RASA3: variants seen among roughly 807,000 people sequenced by gnomAD.
The protein encoded by RASA3 is RAS p21 protein activator 3.
A neutral mutation model predicts 110.0 loss-of-function variants in RASA3; 73 were observed. That is an observed-to-expected ratio of 0.66 (90% CI 0.55 to 0.81). The LOEUF (loss-of-function observed/expected upper bound fraction) is 0.81, where lower values mean the gene tolerates loss of function less well. Among genes scored for constraint, RASA3 ranks in the 30% least tolerant of loss-of-function variants. The probability of loss-of-function intolerance (pLI) is 0.00; values close to 1 mark genes in which losing one functional copy is unlikely to be tolerated. For missense variants in RASA3, 976 were observed against 1,113.2 expected (o/e 0.88, Z 1.75); for synonymous variants, 500 against 451.4 (o/e 1.11, Z -1.37).
At chr13:114,040,090 T>C (rs1170174828) in intron 4 of RASA3, among the ~76,000 whole-genome samples, 2 of 152,260 alleles carry the variant, frequency 1.3e-5, no homozygotes, top group Non-Finnish European at 2.9e-5. Flanking sequence ...TGCCTGTCCT[T>C]TCCCACCGTG....
At chr13:114,109,523 C>A (rs2080186738) in intron 1 of RASA3, among the ~76,000 whole-genome samples, 1 of 152,328 alleles carries the variant, frequency 6.6e-6, no homozygotes, top group Admixed American at 6.5e-5. Flanking sequence ...CTACGGTGGG[C>A]TGCGGACGTT....
intron 1 of RASA3, 110 bp from the exon 2 acceptor site, chr13:114,073,947 A>G (rs1193820259): frequency 1.1e-5 from 11 of 982,128 alleles, no homozygotes; most frequent in Admixed American, 5.5e-5. Flanking sequence ...AGCTCTCTAT[A>G]AAGCCTTGGT....
chr13:114,013,356 TG>T, intron 14 of RASA3, 108 bp from the exon 15 acceptor site: 1 of 672,080 alleles, frequency 1.5e-6, no homozygotes, highest in Admixed American at 2.6e-5. Flanking sequence ...GCCACAGTCC[TG>T]GCTCTATCTC....
chr13:114,020,334 C>G (rs987724157), intron 9 of RASA3, among the ~76,000 whole-genome samples: 4 of 152,232 alleles, frequency 2.6e-5, no homozygotes, highest in Non-Finnish European at 4.4e-5. Context: ...GTAGGTAGAG[C>G]CTGTGTGCGA....
chr13:114,000,944 G>C lies in RASA3; in HGVS notation c.1743-12C>G. The C allele has an allele frequency of 1.9e-6, 3 of 1,577,736 alleles. No homozygotes were observed. Among genetic ancestry groups the C allele is most frequent in the Non-Finnish European group, 2.6e-6 (3 of 1,147,164 alleles). ...TCTTGATCATGAACCTGTGTGAAGA[G>C]CACACAGGGCCGGGGTCCGGGCCTC... On this transcript the variant is annotated splice_polypyrimidine_tract_variant and intron_variant, in intron 18 of 23. Transcript: ENST00000334062.
chr13:114,011,158 A>G lies in RASA3; in HGVS notation c.1590+13T>C, dbSNP rs2053630164. 6.3e-7 allele frequency: 1 copy of G among 1,596,284 alleles called. No homozygotes were observed. The highest frequency in any genetic ancestry group is 2.2e-5 in the East Asian group (1 of 44,776). ...TTGTCCCTAAAAAGAGAAAATGAAG[A>G]AGAGGGACTCACAGATTTGGACTTG... On this transcript the variant is annotated intron_variant, in intron 16 of 23. Coordinates refer to ENST00000334062, the MANE Select transcript of RASA3 (RefSeq NM_007368.4). This position sits in a 1 kb window ranked among gnomAD's most constrained non-coding sequence, Gnocchi z 4.8.
intron 3 of RASA3, among the ~76,000 whole-genome samples, chr13:114,042,918 C>T (rs1339509417): frequency 6.6e-6 from 1 of 152,236 alleles, no homozygotes; most frequent in Non-Finnish European, 1.5e-5. Flanking sequence ...CAGGCCGGGG[C>T]TGCAGGGAGA....
intron 1 of RASA3, among the ~76,000 whole-genome samples, chr13:114,080,383 G>A (rs947067519): frequency 6.6e-6 from 1 of 152,152 alleles, no homozygotes; most frequent in Non-Finnish European, 1.5e-5. Flanking sequence ...GACACCACCT[G>A]CCCAGGGAGG....
At position 114,013,850 on chromosome 13, in the gene RASA3, CTCTG is replaced by C. The variant is rs1192636111; in HGVS notation, c.1406-606_1406-603del. Among the ~76,000 whole-genome samples, 100 of 72,418 alleles carry C rather than the reference CTCTG, an allele frequency of 1.4e-3. 1 individual carries two copies. The highest frequency in any genetic ancestry group is 4.0e-3 in the African/African-American group (93 of 23,430). The allele number at this position is 72,418 out of a possible 152,430, so 47.5% of individuals were successfully genotyped here. On this transcript the variant is annotated intron_variant, in intron 14 of 23. Transcript: ENST00000334062. ...TCTCCGTCTGTCTCTCTCTCCATCT[CTCTG>C]TCTCTCTCCCTGTCTCTCTCCCTAT...
rs1044470291 is a variant in RASA3, at chr13:114,065,899, G to A, written c.173+7821C>T. Among the ~76,000 whole-genome samples, 4 of 152,208 alleles carry A rather than the reference G, an allele frequency of 2.6e-5. No individual in the cohort carries two copies. Among genetic ancestry groups the A allele is most frequent in the Admixed American group, 6.5e-5 (1 of 15,280 alleles). On this transcript the variant is annotated intron_variant, in intron 2 of 23. Transcript: ENST00000334062. The surrounding 1 kb of genome is among the most constrained non-coding windows in gnomAD (Gnocchi z 4.1). Reference sequence around the variant, plus strand: ...CAAATAGAGCTGTGAGTCTTCAAACGGAACCCAAAGACTCAGTGAGGAAAG... The same window carrying A: ...CAAATAGAGCTGTGAGTCTTCAAACAGAACCCAAAGACTCAGTGAGGAAAG...
rs187269372 is a variant in RASA3, at chr13:114,015,995, C to T, written c.1281+202G>A. The stretch of plus-strand genomic sequence containing the variant: ...CCCCCAGGGGACGCAGAGCCCGGCA[C>T]ACAGGCCAGGCCAAAGGTGGTGGCT... On this transcript the variant is annotated intron_variant, in intron 13 of 23. Transcript: ENST00000334062. 2.4e-4 allele frequency among the ~76,000 whole-genome samples: 37 copies of T among 152,204 alleles called. No individual in the cohort carries two copies. The East Asian group carries it at 6.8e-3, about 28-fold the overall frequency.
At chr13:113,993,863 G>A (rs2053176577) in intron 21 of RASA3, among the ~76,000 whole-genome samples, 2 of 142,492 alleles carry the variant, frequency 1.4e-5, no homozygotes, top group Non-Finnish European at 3.1e-5. Flanking sequence ...TTGTACAGAA[G>A]CACGTCTTTG....
In RASA3 at chr13:114,114,990, C is replaced by T. The variant is rs1435943673; in HGVS notation, c.55+17445G>A. Among the ~76,000 whole-genome samples, 6 of 151,808 alleles carry T rather than the reference C, an allele frequency of 4.0e-5. 1 individual carries two copies. Among genetic ancestry groups the T allele is most frequent in the African/African-American group, 1.4e-4 (6 of 41,386 alleles). ...TGCTGCAGGTTCCCCAGCCCCACCC[C>T]CAGCTGTGAGATGCTGCAGGTTCCC... is the stretch of plus-strand genomic sequence containing the variant. On this transcript the variant is annotated intron_variant, in intron 1 of 23. Coordinates refer to ENST00000334062, the MANE Select transcript of RASA3 (RefSeq NM_007368.4). This position sits in a 1 kb window ranked among gnomAD's most constrained non-coding sequence, Gnocchi z 4.8.
At chr13:113,996,810 G>A (rs1361184452) in intron 20 of RASA3, 71 bp from the exon 21 acceptor site, 1 of 1,377,740 alleles carries the variant, frequency 7.3e-7, no homozygotes, top group Non-Finnish European at 1.0e-6. Context: ...GAGTCCACCA[G>A]GCACCTGGCC....
At chr13:113,981,956 T>A (rs1309088163) in intron 22 of RASA3, 98 bp from the exon 23 acceptor site, 4 of 1,089,168 alleles carry the variant, frequency 3.7e-6, no homozygotes, top group Non-Finnish European at 2.6e-6. Flanking sequence ...ACAGTACACA[T>A]CCTTCCAACG....
chr13:114,039,625 C>G (rs1023219227), intron 4 of RASA3, among the ~76,000 whole-genome samples: 9 of 152,236 alleles, frequency 5.9e-5, no homozygotes, highest in Non-Finnish European at 8.8e-5. Flanking sequence ...TGTCACAGAC[C>G]AGGGCTCAGG....
rs549121583 is a variant in RASA3, at chr13:114,056,484, T to C, written c.174-4329A>G. The stretch of plus-strand genomic sequence containing the variant: ...AGGGCTTGGGCAGCAGGGCTGAGAG[T>C]GCGGCGTCCCTGGGCGCTGCCCGGT... On this transcript the variant is annotated intron_variant, in intron 2 of 23. Transcript: ENST00000334062. The surrounding 1 kb of genome is among the most constrained non-coding windows in gnomAD (Gnocchi z 5.7). 1.0e-6 allele frequency: 1 copy of C among 984,858 alleles called. No individual in the cohort carries two copies. Among genetic ancestry groups the C allele is most frequent in the African/African-American group, 1.8e-5 (1 of 57,110 alleles). The allele number at this position is 984,858 out of a possible 1,614,324, so 61.0% of individuals were successfully genotyped here.
At chr13:113,990,782 G>A (rs924422469) in intron 22 of RASA3, among the ~76,000 whole-genome samples, 1 of 152,260 alleles carries the variant, frequency 6.6e-6, no homozygotes, top group African/African-American at 2.4e-5. Flanking sequence ...CTGCACATGT[G>A]TGCAGGTATT....
chr13:114,087,991 C>T lies in RASA3; in HGVS notation c.56-14154G>A, dbSNP rs1163767381. Reference sequence around the variant, plus strand: ...CTAAAAATACAAAAAATTAGCTGGGCGTGGTGGCGCACGCCTGTAGTCCCA... The same window carrying T: ...CTAAAAATACAAAAAATTAGCTGGGTGTGGTGGCGCACGCCTGTAGTCCCA... On this transcript the variant is annotated intron_variant, in intron 1 of 23. Transcript: ENST00000334062. Among the ~76,000 whole-genome samples the T allele has an allele frequency of 3.3e-5, 5 of 152,192 alleles. 1 individual carries two copies. Among genetic ancestry groups the T allele is most frequent in the Non-Finnish European group, 5.9e-5 (4 of 68,006 alleles).
Sources: gnomAD v4.1 joint callset for allele counts (sites outside exome capture counted in the v4.1 genomes callset) on GRCh38, gnomAD v4.1.1 for gene constraint, Gnocchi (gnomAD v3.1) non-coding constraint, MANE v1.5 for transcripts, NCBI Gene and HGNC (gene_info 2026-07-23, HGNC 2026-07-21) for gene names.